Variants in NKX2-5 observed in about 807,000 individuals in gnomAD.
NKX2-5 encodes NK2 homeobox 5.
Under a neutral mutation model 24.5 loss-of-function variants are expected in NKX2-5, and 3 were observed. The observed-to-expected ratio is 0.12, with a 90% CI of 0.06 to 0.32. The LOEUF is 0.32. NKX2-5 is among the 10% of genes least tolerant of loss of function. The pLI, the probability that NKX2-5 is intolerant of heterozygous loss-of-function variation, is 1.00. For missense variants in NKX2-5, 429 were observed against 452.4 expected (o/e 0.95, Z 0.47); for synonymous variants, 215 against 217.6 (o/e 0.99, Z 0.11).
At chr5:173,233,535 A>C in intron 1 of NKX2-5, 1 of 939,666 alleles carries the variant, frequency 1.1e-6, no homozygotes. Flanking sequence ...AAAAAAATAA[A>C]AAAATAAAAA....
Position 173,233,432 on chromosome 5 carries a change from C to T in NKX2-5, c.335-223G>A, listed in dbSNP as rs1383924409. The T allele has an allele frequency of 2.6e-6, 4 of 1,530,006 alleles. No individual in the cohort carries two copies. The East Asian group carries it at 9.8e-5, about 38-fold the overall frequency. The allele number at this position is 1,530,006 out of a possible 1,614,324, so 94.8% of individuals were successfully genotyped here. ...TGGCTCAAGGCGCTGGAGAACAAAA[C>T]GGGAGGTCTCTGCCCTCGGGGCAGT... is the stretch of plus-strand genomic sequence containing the variant. On this transcript the variant is annotated intron_variant, in intron 1 of 1. Coordinates refer to ENST00000329198, the MANE Select transcript of NKX2-5 (RefSeq NM_004387.4).
Position 173,232,838 on chromosome 5 carries a change from G to T in NKX2-5, c.706C>A (p.Pro236Thr), listed in dbSNP as rs770192204. 17 of 1,612,000 alleles carry T rather than the reference G, an allele frequency of 1.1e-5. No individual in the cohort carries two copies. The Admixed American group carries it at 1.8e-4, about 17-fold the overall frequency. The change falls in exon 2 of 2, where the codon CCC becomes ACC. Residue 236 changes from proline (P) to threonine (T), a missense_variant. Transcript: ENST00000329198. The surrounding 1 kb of genome is among the most constrained non-coding windows in gnomAD (Gnocchi z 5.9). ...CCCACGCCGTAGGCAGGCGCGTAGGGCGCCGAGTCCCCTAGGCATGGCTTG... is the reference window on the plus strand; with the variant it reads ...CCCACGCCGTAGGCAGGCGCGTAGGTCGCCGAGTCCCCTAGGCATGGCTTG... The part of the protein sequence containing the change: ...DGKPCLGDSA[P>T]YAPAYGVGLN...
intron 1 of NKX2-5, chr5:173,233,505 C>CAAAAAAAAAAAAAAAAAAAAAAA (rs763099269): frequency 4.4e-5 from 22 of 503,716 alleles, no homozygotes; most frequent in African/African-American, 2.5e-4. Context: ...TTTCAGGCTG[C>CAAAAAAAAAAAAAAAAAAAAAAA]AAAAAAAAAA....
chr5:173,233,106 C>G lies in NKX2-5; in HGVS notation c.438G>C (p.Ser146=). 1 of 1,599,506 alleles carries G rather than the reference C, an allele frequency of 6.3e-7. No homozygotes were observed. The highest frequency in any genetic ancestry group is 2.3e-5 in the East Asian group (1 of 44,232). ...RRRRKPRVLF[S]QAQVYELERR... is the part of the protein sequence containing the mutation. ...GCTCCAGCTCATAGACCTGCGCCTGCGAGAAGAGCACGCGCGGCTTCCTCC... is the reference window on the plus strand; with the variant it reads ...GCTCCAGCTCATAGACCTGCGCCTGGGAGAAGAGCACGCGCGGCTTCCTCC... The change falls in exon 2 of 2, where the codon TCG becomes TCC. Residue 146 remains serine (S), a synonymous_variant. Transcript: ENST00000329198.
rs771088497 is a variant in NKX2-5 at position 173,232,621 on chromosome 5, A to G, written c.923T>C (p.Ile308Thr). Reference sequence around the variant, plus strand: ...GGACACTCCCGAGTTGCTCTGCGGAATCCCGGGGCTCTGAACCGCATTCAA... The same window carrying G: ...GGACACTCCCGAGTTGCTCTGCGGAGTCCCGGGGCTCTGAACCGCATTCAA... ...GDLNAVQSPG[I>T]PQSNSGVSTL... The change falls in exon 2 of 2, where the codon ATT (isoleucine) becomes ACT (threonine). Residue 308 changes from isoleucine to threonine, a missense_variant. Around this residue, in one of 3 missense-constraint regions of NKX2-5, gnomAD observed 183 missense variants for 185.9 expected, o/e 0.98. Coordinates refer to ENST00000329198, the MANE Select transcript of NKX2-5 (RefSeq NM_004387.4). The surrounding 1 kb of genome is among the most constrained non-coding windows in gnomAD (Gnocchi z 5.9). 9.9e-6 allele frequency: 16 copies of G among 1,613,488 alleles called. No individual in the cohort carries two copies. The highest frequency in any genetic ancestry group is 1.4e-5 in the Non-Finnish European group (16 of 1,179,984).
chr5:173,233,386 A>G, intron 1 of NKX2-5, 177 bp from the exon 2 acceptor site: 2 of 1,537,000 alleles, frequency 1.3e-6, no homozygotes, highest in South Asian at 1.2e-5. Flanking sequence ...CGTCTCACTC[A>G]GCATTTGTAG....
chr5:173,233,196 C>T lies in NKX2-5; in HGVS notation c.348G>A (p.Leu116=). The T allele has an allele frequency of 1.2e-6, 2 of 1,600,444 alleles. No homozygotes were observed. The change falls in exon 2 of 2, where the codon CTG becomes CTA. Residue 116 remains leucine (L), a synonymous_variant. Coordinates refer to ENST00000329198, the MANE Select transcript of NKX2-5 (RefSeq NM_004387.4). ...TCTTCTCCAGCTCCACCGCCTTCTG[C>T]AGCGCGCACAGCTCTGAGGGGGAAC... ...PRAEKKELCA[L]QKAVELEKTE...
At position 173,232,677 on chromosome 5, in the gene NKX2-5, G is replaced by A. The variant is rs779136385; in HGVS notation, c.867C>T (p.Asn289=). ...CGACGCCGAAGTTCACGAAGTTGTT[G>A]TTGGCGGCGGCAGTGGCCGGCTGCG... ...SPAQPATAAA[N]NNFVNFGVGD... is the part of the protein sequence containing the mutation. The change falls in exon 2 of 2, where the codon AAC becomes AAT. Residue 289 remains asparagine (N), a synonymous_variant. Transcript: ENST00000329198. This position sits in a 1 kb window ranked among gnomAD's most constrained non-coding sequence, Gnocchi z 5.9. The A allele has an allele frequency of 1.2e-6, 2 of 1,611,506 alleles. No individual in the cohort carries two copies. The highest frequency in any genetic ancestry group is 1.7e-5 in the Admixed American group (1 of 59,962).
In NKX2-5 at chr5:173,235,179, C is replaced by G. The variant is rs1444772328; in HGVS notation, c.-96G>C. ...TCCCTGCATGGTGCCGCCGCCCGCCCGCGCACCCGTCGGCCAGCTCTGGAT... is the reference window on the plus strand; with the variant it reads ...TCCCTGCATGGTGCCGCCGCCCGCCGGCGCACCCGTCGGCCAGCTCTGGAT... On this transcript the variant is annotated 5_prime_UTR_variant, in exon 1 of 2. Coordinates refer to ENST00000329198, the MANE Select transcript of NKX2-5 (RefSeq NM_004387.4). 5 of 1,272,388 alleles carry G rather than the reference C, an allele frequency of 3.9e-6. No individual in the cohort carries two copies. The highest frequency in any genetic ancestry group is 2.6e-5 in the Admixed American group (1 of 37,750). 78.8% of individuals were successfully genotyped at this position (1,272,388 alleles called of 1,614,324 possible).
intron 1 of NKX2-5, 77 bp downstream of exon 1, chr5:173,234,673 T>G: frequency 1.6e-6 from 2 of 1,290,018 alleles, no homozygotes; most frequent in Non-Finnish European, 2.1e-6. Flanking sequence ...GGCGCGTGTC[T>G]CCTCCTCCTG....
rs1479269551 is a variant in NKX2-5 at position 173,232,516 on chromosome 5, C to G, written c.*53G>C. On this transcript the variant is annotated 3_prime_UTR_variant, in exon 2 of 2. Coordinates refer to ENST00000329198, the MANE Select transcript of NKX2-5 (RefSeq NM_004387.4). This position sits in a 1 kb window ranked among gnomAD's most constrained non-coding sequence, Gnocchi z 5.9. Reference sequence around the variant, plus strand: ...GGGAGCCCCTTCTCCCCCCGAGAGTCAGGGAGCTGTTGAGGTGGGATCGGT... The same window carrying G: ...GGGAGCCCCTTCTCCCCCCGAGAGTGAGGGAGCTGTTGAGGTGGGATCGGT... 3.8e-6 allele frequency: 6 copies of G among 1,595,924 alleles called. No homozygotes were observed. The African/African-American group carries it at 8.0e-5, about 21-fold the overall frequency.
chr5:173,234,980 G>T lies in NKX2-5; in HGVS notation c.104C>A (p.Ala35Asp). The T allele has an allele frequency of 6.2e-7, 1 of 1,612,162 alleles. No homozygotes were observed. Among genetic ancestry groups the T allele is most frequent in the Non-Finnish European group, 8.5e-7 (1 of 1,179,600 alleles). The change falls in exon 1 of 2, where the codon GCC becomes GAC. Residue 35 changes from alanine to aspartate, a missense_variant. Ala to Asp is a moderately radical substitution (Grantham distance 126). This residue lies in a region of NKX2-5 where 240 missense variants were observed against 240.4 expected (regional missense o/e 1.00). Coordinates refer to ENST00000329198, the MANE Select transcript of NKX2-5 (RefSeq NM_004387.4). ...RSLAAAGELS[A>D]RLEATLAPSS... Reference sequence around the variant, plus strand: ...GGGCGCCAGGGTCGCCTCCAGGCGGGCAGAGAGCTCTCCGGCGGCAGCCAG... The same window carrying T: ...GGGCGCCAGGGTCGCCTCCAGGCGGTCAGAGAGCTCTCCGGCGGCAGCCAG...
In NKX2-5 at chr5:173,232,706, G is replaced by C. The variant is rs1761344948; in HGVS notation, c.838C>G (p.Pro280Ala). 1 of 1,609,880 alleles carries C rather than the reference G, an allele frequency of 6.2e-7. No homozygotes were observed. Among genetic ancestry groups the C allele is most frequent in the Non-Finnish European group, 8.5e-7 (1 of 1,177,824 alleles). The change falls in exon 2 of 2, where the codon CCA (proline) becomes GCA (alanine). Residue 280 changes from proline (P) to alanine (A), a missense_variant. Around this residue, in one of 3 missense-constraint regions of NKX2-5, gnomAD observed 183 missense variants for 185.9 expected, o/e 0.98. Coordinates refer to ENST00000329198, the MANE Select transcript of NKX2-5 (RefSeq NM_004387.4). The surrounding 1 kb of genome is among the most constrained non-coding windows in gnomAD (Gnocchi z 5.9). ...GCGGCGGCAGTGGCCGGCTGCGCTG[G>C]GGAAGGCCCGGCGGGGTAAGCGGCA... ...CTAAYPAGPS[P>A]AQPATAAANN...
chr5:173,233,526 A>AAAAAAAAAAAAAAAAAAAAAC (rs1761385361), intron 1 of NKX2-5: 1 of 885,246 alleles, frequency 1.1e-6, no homozygotes. Flanking sequence ...AAAATAAATA[A>AAAAAAAAAAAAAAAAAAAAAC]AAAAATAAAA....
At position 173,233,186 on chromosome 5, in the gene NKX2-5, C is replaced by T. The variant is rs1488724798; in HGVS notation, c.358G>A (p.Val120Met). 4.4e-6 allele frequency: 7 copies of T among 1,601,662 alleles called. No individual in the cohort carries two copies. Among genetic ancestry groups the T allele is most frequent in the Non-Finnish European group, 5.9e-6 (7 of 1,179,000 alleles). The change falls in exon 2 of 2, where the codon GTG becomes ATG. Residue 120 changes from valine (V) to methionine (M), a missense_variant. Physicochemically the swap from Val to Met is conservative, Grantham distance 21. Around this residue, in one of 3 missense-constraint regions of NKX2-5, gnomAD observed 240 missense variants for 240.4 expected, o/e 1.00. Coordinates refer to ENST00000329198, the MANE Select transcript of NKX2-5 (RefSeq NM_004387.4). Reference protein sequence around the residue: ...KKELCALQKAVELEKTEADNA... With the variant: ...KKELCALQKAMELEKTEADNA... Reference sequence around the variant, plus strand: ...TCCGCCTCTGTCTTCTCCAGCTCCACCGCCTTCTGCAGCGCGCACAGCTCT... The same window carrying T: ...TCCGCCTCTGTCTTCTCCAGCTCCATCGCCTTCTGCAGCGCGCACAGCTCT...
At position 173,232,620 on chromosome 5, in the gene NKX2-5, A is replaced by G; in HGVS notation, c.924T>C (p.Ile308=). 6.2e-7 allele frequency: 1 copy of G among 1,613,458 alleles called. No homozygotes were observed. The highest frequency in any genetic ancestry group is 2.2e-5 in the East Asian group (1 of 44,868). Reference sequence around the variant, plus strand: ...TGGACACTCCCGAGTTGCTCTGCGGAATCCCGGGGCTCTGAACCGCATTCA... The same window carrying G: ...TGGACACTCCCGAGTTGCTCTGCGGGATCCCGGGGCTCTGAACCGCATTCA... The part of the protein sequence containing the change: ...GDLNAVQSPG[I]PQSNSGVSTL... The change falls in exon 2 of 2, where the codon ATT becomes ATC. Residue 308 remains isoleucine (I), a synonymous_variant. Coordinates refer to ENST00000329198, the MANE Select transcript of NKX2-5 (RefSeq NM_004387.4). This position sits in a 1 kb window ranked among gnomAD's most constrained non-coding sequence, Gnocchi z 5.9.
In NKX2-5 at chr5:173,233,505, C is replaced by CAAAAAAAAAAAAAAAAAAAA. The variant is rs763099269; in HGVS notation, c.335-297_335-296insTTTTTTTTTTTTTTTTTTTT. 4.2e-5 allele frequency: 21 copies of CAAAAAAAAAAAAAAAAAAAA among 503,542 alleles called. 1 individual carries two copies. The highest frequency in any genetic ancestry group is 6.0e-5 in the South Asian group (2 of 33,168). 31.2% of individuals were successfully genotyped at this position (503,542 alleles called of 1,614,324 possible). On this transcript the variant is annotated intron_variant, in intron 1 of 1. Transcript: ENST00000329198. ...GACGGTGACTTAAAATTTCAGGCTG[C>CAAAAAAAAAAAAAAAAAAAA]AAAAAAAAAAAAAATAAATAAAAAA...
Position 173,232,502 on chromosome 5 carries a change from C to T in NKX2-5, c.*67G>A, listed in dbSNP as rs1003777077. On this transcript the variant is annotated 3_prime_UTR_variant, in exon 2 of 2. Coordinates refer to ENST00000329198, the MANE Select transcript of NKX2-5 (RefSeq NM_004387.4). The surrounding 1 kb of genome is among the most constrained non-coding windows in gnomAD (Gnocchi z 5.9). The stretch of plus-strand genomic sequence containing the variant: ...CTCAGGGTCATGTTGGGAGCCCCTT[C>T]TCCCCCCGAGAGTCAGGGAGCTGTT... The T allele has an allele frequency of 2.0e-5, 32 of 1,586,638 alleles. No homozygotes were observed. The African/African-American group carries it at 4.0e-4, about 20-fold the overall frequency.
intron 1 of NKX2-5, 113 bp downstream of exon 1, chr5:173,234,637 C>T: frequency 2.1e-6 from 2 of 965,514 alleles, no homozygotes; most frequent in Non-Finnish European, 2.9e-6. Flanking sequence ...CTGAACCCCC[C>T]GCCGCAGCCC....
Sources: allele counts gnomAD v4.1 joint callset, GRCh38; gene constraint gnomAD v4.1.1; regional missense constraint gnomAD v4.1.1; non-coding constraint Gnocchi (gnomAD v3.1); transcripts MANE v1.5; gene names NCBI Gene and HGNC (gene_info 2026-07-23, HGNC 2026-07-21).